Variants in DDAH1 observed in about 807,000 individuals in gnomAD.
The protein encoded by DDAH1 is N(G),N(G)-dimethylarginine dimethylaminohydrolase 1.
Under a neutral mutation model 28.8 loss-of-function variants are expected in DDAH1, and 19 were observed. That is an observed-to-expected ratio of 0.66 (90% CI 0.46 to 0.97). The LOEUF (loss-of-function observed/expected upper bound fraction) is 0.97. Among genes scored for constraint, DDAH1 ranks in the 50% least tolerant of loss-of-function variants. The probability of loss-of-function intolerance (pLI) is 0.00; values close to 1 mark genes in which losing one functional copy is unlikely to be tolerated. For synonymous variants in DDAH1, 153 were observed against 154.4 expected, an observed-to-expected ratio of 0.99 and a Z score of 0.07; for missense variants, 326 against 375.9, an observed-to-expected ratio of 0.87 and a Z score of 1.10.
rs989739622 is a variant in DDAH1, at chr1:85,464,895, C to A, written c.151G>T (p.Val51Leu). The change falls in exon 1 of 6, where the codon GTG becomes TTG. Residue 51 changes from valine to leucine, a missense_variant. Physicochemically the swap from Val to Leu is conservative, Grantham distance 32 (BLOSUM62 1). Transcript: ENST00000284031. The surrounding 1 kb of genome is among the most constrained non-coding windows in gnomAD (Gnocchi z 4.4). ...ARAERQHQLYVGVLGSKLGLQ... is the reference protein window; with the variant it reads ...ARAERQHQLYLGVLGSKLGLQ... ...CCCAGCTTGCTGCCCAGCACGCCCA[C>A]GTAGAGCTGGTGCTGCCGTTCCGCG... The A allele has an allele frequency of 6.4e-6, 10 of 1,573,276 alleles. No individual in the cohort carries two copies. The highest frequency in any genetic ancestry group is 8.5e-6 in the Non-Finnish European group (10 of 1,169,972).
At chr1:85,512,042 AC>A (rs1033698046) in intron 1 of DDAH1, among the ~76,000 whole-genome samples, 175 of 152,330 alleles carry the variant, frequency 1.1e-3, no homozygotes, top group African/African-American at 4.1e-3. Flanking sequence ...CAGAGACACA[AC>A]AAAAAAAGAG....
chr1:85,547,513 A>C (rs979916705), intron 1 of DDAH1, among the ~76,000 whole-genome samples: 2 of 152,188 alleles, frequency 1.3e-5, no homozygotes, highest in African/African-American at 4.8e-5. Context: ...ATACTCTCCC[A>C]CATTGATTTT....
chr1:85,325,023 G>A (rs915819423), intron 4 of DDAH1, 140 bp from the exon 5 acceptor site: 7 of 938,692 alleles, frequency 7.5e-6, no homozygotes, highest in Admixed American at 3.0e-5. Flanking sequence ...ATTACCTCCA[G>A]TCACTTAGAA....
intron 4 of DDAH1, among the ~76,000 whole-genome samples, chr1:85,345,852 G>A (rs372126612): frequency 2.6e-5 from 4 of 152,216 alleles, no homozygotes; most frequent in Non-Finnish European, 5.9e-5. Flanking sequence ...GCAACAGAGT[G>A]AGACTCCATC....
At chr1:85,467,527 C>T (rs915726660), upstream of DDAH1, 12 of 152,168 alleles carry the variant, frequency 7.9e-5, no homozygotes, top group Admixed American at 6.5e-4. Context: ...TCTGTTATCT[C>T]GTGCATTACT....
chr1:85,440,209 T>C lies in DDAH1; in HGVS notation c.303+24534A>G, dbSNP rs144543463. 3.4e-3 allele frequency among the ~76,000 whole-genome samples: 514 copies of C among 152,356 alleles called. 2 individuals carry two copies. Among genetic ancestry groups the C allele is most frequent in the African/African-American group, 0.012 (490 of 41,594 alleles). Reference sequence around the variant, plus strand: ...GCATAAAAAGAAAAACAAAATATCATTGCATAATTAAGGTACTTTTAATTT... The same window carrying C: ...GCATAAAAAGAAAAACAAAATATCACTGCATAATTAAGGTACTTTTAATTT... On this transcript the variant is annotated intron_variant, in intron 1 of 5. Coordinates refer to ENST00000284031, the MANE Select transcript of DDAH1 (RefSeq NM_012137.4).
intron 1 of DDAH1, among the ~76,000 whole-genome samples, chr1:85,429,184 G>C (rs1205582558): frequency 3.6e-5 from 5 of 138,988 alleles, no homozygotes; most frequent in African/African-American, 1.3e-4. Flanking sequence ...CCCCCCAGCA[G>C]GCCCCTGTGT....
chr1:85,343,078 T>C (rs1648607096), intron 4 of DDAH1, among the ~76,000 whole-genome samples: 1 of 152,172 alleles, frequency 6.6e-6, no homozygotes, highest in African/African-American at 2.4e-5. Flanking sequence ...CCCTACAATA[T>C]CCTATAGAGT....
At chr1:85,370,039 C>G (rs1570444494) in intron 1 of DDAH1, among the ~76,000 whole-genome samples, 1 of 152,310 alleles carries the variant, frequency 6.6e-6, no homozygotes, top group East Asian at 1.9e-4. Context: ...GGCTATGTGT[C>G]TCCTCAAGAT....
intron 5 of DDAH1, among the ~76,000 whole-genome samples, chr1:85,322,644 G>A (rs762627478): frequency 6.6e-5 from 10 of 152,190 alleles, no homozygotes; most frequent in Non-Finnish European, 1.3e-4. Context: ...TCTGAGCCTC[G>A]GTTTACTTCT....
At chr1:85,510,701 T>A (rs996123556) in intron 1 of DDAH1, among the ~76,000 whole-genome samples, 14 of 152,174 alleles carry the variant, frequency 9.2e-5, no homozygotes, top group Non-Finnish European at 2.1e-4. Context: ...GTTGCAATCC[T>A]AGTCACTGAT....
rs1243887535 is a variant in DDAH1 at position 85,419,638 on chromosome 1, C to T, written c.303+45105G>A. On this transcript the variant is annotated intron_variant, in intron 1 of 5. Coordinates refer to ENST00000284031, the MANE Select transcript of DDAH1 (RefSeq NM_012137.4). Reference sequence around the variant, plus strand: ...TTAAAGAAAAATTGTGAAACTAGTACAAAAAGTTCCTATATGGACCTGCAA... The same window carrying T: ...TTAAAGAAAAATTGTGAAACTAGTATAAAAAGTTCCTATATGGACCTGCAA... Among the ~76,000 whole-genome samples the T allele has an allele frequency of 2.0e-5, 3 of 147,156 alleles. No homozygotes were observed. In the East Asian group the frequency reaches 6.1e-4, roughly 30 times the overall value.
chr1:85,381,098 CGTG>C (rs1403516528), intron 1 of DDAH1, among the ~76,000 whole-genome samples: 11 of 151,652 alleles, frequency 7.3e-5, no homozygotes. Flanking sequence ...ATTAGCCGGG[CGTG>C]GTGGTGGGCG....
Position 85,448,592 on chromosome 1 carries a change from G to A in DDAH1, c.303+16151C>T, listed in dbSNP as rs1654538283. 3.3e-5 allele frequency among the ~76,000 whole-genome samples: 5 copies of A among 152,222 alleles called. No individual in the cohort carries two copies. The South Asian group carries it at 1.0e-3, about 32-fold the overall frequency. ...AAATGTGCTCTGCATCCCATCAATA[G>A]GAGCTCTAATTCCCCTATGGTTCAG... On this transcript the variant is annotated intron_variant, in intron 1 of 5. Coordinates refer to ENST00000284031, the MANE Select transcript of DDAH1 (RefSeq NM_012137.4).
chr1:85,466,335 C>T (rs1373020201), upstream of DDAH1, among the ~76,000 whole-genome samples: 2 of 152,222 alleles, frequency 1.3e-5, no homozygotes, highest in African/African-American at 4.8e-5. Flanking sequence ...ACTTCAACTG[C>T]TGCCTCCCCA....
rs577639625 is a variant in DDAH1, at chr1:85,396,844, G to T, written c.304-37997C>A. On this transcript the variant is annotated intron_variant, in intron 1 of 5. Coordinates refer to ENST00000284031, the MANE Select transcript of DDAH1 (RefSeq NM_012137.4). ...GAGTCCGGGAGTTCAAGACCACCCTGGGCAACATGGTAAAACCCTATTGCT... is the reference window on the plus strand; with the variant it reads ...GAGTCCGGGAGTTCAAGACCACCCTTGGCAACATGGTAAAACCCTATTGCT... 1.6e-4 allele frequency among the ~76,000 whole-genome samples: 24 copies of T among 151,988 alleles called. No homozygotes were observed. The South Asian group carries it at 5.0e-3, about 32-fold the overall frequency.
At chr1:85,481,382 G>C (rs766857643) in intron 2 of DDAH1, among the ~76,000 whole-genome samples, 1 of 152,108 alleles carries the variant, frequency 6.6e-6, no homozygotes, top group Non-Finnish European at 1.5e-5. Flanking sequence ...ACAGATGTGA[G>C]TCACCTACCC....
chr1:85,400,539 G>A (rs1195140043), intron 1 of DDAH1, among the ~76,000 whole-genome samples: 1 of 152,008 alleles, frequency 6.6e-6, no homozygotes, highest in Admixed American at 6.6e-5. Context: ...CATCTAATTA[G>A]AGAGTTTACT....
chr1:85,400,088 C>G (rs1426196524), intron 1 of DDAH1: 1 of 151,850 alleles, frequency 6.6e-6, no homozygotes, highest in South Asian at 2.1e-4. Context: ...AAACCTTGAG[C>G]TCACTGGCAT....
Sources: allele counts gnomAD v4.1 joint callset (sites outside exome capture counted in the v4.1 genomes callset), GRCh38; gene constraint gnomAD v4.1.1; non-coding constraint Gnocchi (gnomAD v3.1); transcripts MANE v1.5; gene names NCBI Gene and HGNC (gene_info 2026-07-23, HGNC 2026-07-21).